Variants in NKD1 observed in about 807,000 individuals in gnomAD.
NKD1 encodes protein naked cuticle homolog 1.
In NKD1, 21 loss-of-function variants were observed where a neutral mutation model predicts 56.0. The observed-to-expected ratio is 0.38, with a 90% CI of 0.27 to 0.54. The LOEUF (loss-of-function observed/expected upper bound fraction) is 0.54. Among genes scored for constraint, NKD1 ranks in the 20% least tolerant of loss-of-function variants. The pLI is 0.82. For missense variants in NKD1, 578 were observed against 642.7 expected (o/e 0.90, Z 1.09); for synonymous variants, 263 against 265.7 (o/e 0.99, Z 0.10).
At chr16:50,571,084 G>A in intron 3 of NKD1, 1 of 812,288 alleles carries the variant, frequency 1.2e-6, no homozygotes, top group Non-Finnish European at 1.5e-6. Flanking sequence ...AGGGAGAGCT[G>A]AGAGGAAAGT....
At chr16:50,620,334 G>T (rs1962057313) in intron 4 of NKD1, among the ~76,000 whole-genome samples, 1 of 152,216 alleles carries the variant, frequency 6.6e-6, no homozygotes, top group African/African-American at 2.4e-5. Context: ...TGTGAGTGTG[G>T]TGGGAGTGTG....
intron 3 of NKD1, 155 bp from the exon 4 acceptor site, chr16:50,608,139 T>G: frequency 1.5e-6 from 1 of 680,236 alleles, no homozygotes; most frequent in Non-Finnish European, 2.7e-6. Flanking sequence ...GGACCCACCT[T>G]GGCACTTAAC....
intron 3 of NKD1, chr16:50,574,927 T>C: frequency 3.0e-6 from 3 of 985,174 alleles, no homozygotes; most frequent in Non-Finnish European, 3.6e-6. Context: ...TTGGAAACTT[T>C]TTCCTTTTCC....
chr16:50,633,774 A>G lies in NKD1; in HGVS notation c.1406A>G (p.Gln469Arg), dbSNP rs1357070741. The G allele has an allele frequency of 6.7e-7, 1 of 1,483,690 alleles. No homozygotes were observed. Among genetic ancestry groups the G allele is most frequent in the African/African-American group, 1.4e-5 (1 of 71,736 alleles). 91.9% of individuals were successfully genotyped at this position (1,483,690 alleles called of 1,614,324 possible). The change falls in exon 10 of 10, where the codon CAG becomes CGG. Residue 469 changes from glutamine to arginine, a missense_variant. Coordinates refer to ENST00000268459, the MANE Select transcript of NKD1 (RefSeq NM_033119.5). The surrounding 1 kb of genome is among the most constrained non-coding windows in gnomAD (Gnocchi z 4.9). ...EHHHHYHHFY[Q>R]T ...CACCACCATTACCACCACTTCTACCAGACATAGAGCCCCTCCCCAGGGCCC... is the reference window on the plus strand; with the variant it reads ...CACCACCATTACCACCACTTCTACCGGACATAGAGCCCCTCCCCAGGGCCC...
chr16:50,548,978 C>G, intron 2 of NKD1: 2 of 961,020 alleles, frequency 2.1e-6, no homozygotes, highest in African/African-American at 1.8e-5. Context: ...ACCCCTCCCC[C>G]TCCCGCGTCC....
intron 3 of NKD1, among the ~76,000 whole-genome samples, chr16:50,600,234 CA>C (rs1961563949): frequency 6.6e-6 from 1 of 151,146 alleles, no homozygotes; most frequent in South Asian, 2.1e-4. Flanking sequence ...CTTAAAAAAA[CA>C]AAACAAAACA....
chr16:50,554,109 AGGAGGCT>A (rs1960448147), intron 3 of NKD1, among the ~76,000 whole-genome samples: 1 of 152,198 alleles, frequency 6.6e-6, no homozygotes. Context: ...TTCTTGGGGA[AGGAGGCT>A]GGATGCCCCT....
intron 3 of NKD1, chr16:50,573,772 C>G (rs766542551): frequency 2.3e-4 from 222 of 973,804 alleles, no homozygotes; most frequent in Non-Finnish European, 2.6e-4. Context: ...AACCTGGGTT[C>G]AGCTCCTGGT....
rs948826363 is a variant in NKD1, at chr16:50,649,132, C to T, written c.*15351C>T. ...CTGGGCCACTTTTAGCAGTCAGATT[C>T]GTCTAATCCTCCTTTAAAGATGGTG... On this transcript the variant is annotated 3_prime_UTR_variant, in exon 10 of 10. Coordinates refer to ENST00000268459, the MANE Select transcript of NKD1 (RefSeq NM_033119.5). 1.3e-5 allele frequency: 2 copies of T among 152,200 alleles called. No individual in the cohort carries two copies. The highest frequency in any genetic ancestry group is 4.8e-5 in the African/African-American group (2 of 41,442). The allele number at this position is 152,200 out of a possible 1,614,324, so 9.4% of individuals were successfully genotyped here.
intron 3 of NKD1, among the ~76,000 whole-genome samples, chr16:50,571,159 A>C (rs1960874842): frequency 6.6e-6 from 1 of 152,202 alleles, no homozygotes; most frequent in East Asian, 1.9e-4. Context: ...GGTCCCTTTC[A>C]AGGCCTTGGA....
chr16:50,587,053 C>T (rs895091416), intron 3 of NKD1, among the ~76,000 whole-genome samples: 9 of 152,136 alleles, frequency 5.9e-5, no homozygotes, highest in Non-Finnish European at 7.3e-5. Context: ...CTCCACGACT[C>T]GAAAGCTGTG....
intron 3 of NKD1, among the ~76,000 whole-genome samples, chr16:50,601,999 ATC>A (rs1961607574): frequency 6.6e-6 from 1 of 152,076 alleles, no homozygotes; most frequent in Admixed American, 6.5e-5. Context: ...CCCTCTTTCC[ATC>A]TCTCTGCCCT....
intron 3 of NKD1, among the ~76,000 whole-genome samples, chr16:50,589,699 CT>C (rs1961307999): frequency 1.6e-4 from 3 of 18,740 alleles, no homozygotes; most frequent in African/African-American, 5.9e-4. Context: ...TTTCTTTTCT[CT>C]TCTCTTCTCT....
chr16:50,574,708 T>C (rs1960956110), intron 3 of NKD1: 5 of 985,474 alleles, frequency 5.1e-6, no homozygotes, highest in Non-Finnish European at 4.8e-6. Context: ...AGAGGCCCTC[T>C]GAGGGAGGCG....
At chr16:50,589,759 CTT>C in intron 3 of NKD1, among the ~76,000 whole-genome samples, 3 of 77,790 alleles carry the variant, frequency 3.9e-5, no homozygotes, top group Non-Finnish European at 7.9e-5. Flanking sequence ...CTTCTCTTCT[CTT>C]CTCTCCTCTC....
chr16:50,633,484 A>G lies in NKD1; in HGVS notation c.1116A>G (p.Gly372=). The G allele has an allele frequency of 6.2e-7, 1 of 1,609,238 alleles. No homozygotes were observed. Among genetic ancestry groups the G allele is most frequent in the Non-Finnish European group, 8.5e-7 (1 of 1,177,838 alleles). The change falls in exon 10 of 10, where the codon GGA becomes GGG. Residue 372 remains glycine (G), a synonymous_variant. Coordinates refer to ENST00000268459, the MANE Select transcript of NKD1 (RefSeq NM_033119.5). The surrounding 1 kb of genome is among the most constrained non-coding windows in gnomAD (Gnocchi z 4.9). The part of the protein sequence containing the change: ...ARGARNKPPL[G]PAIPAVSPSA... ...GGGCAAGAAACAAGCCCCCTCTGGGACCCGCCATCCCTGCGGTGTCCCCCT... is the reference window on the plus strand; with the variant it reads ...GGGCAAGAAACAAGCCCCCTCTGGGGCCCGCCATCCCTGCGGTGTCCCCCT...
At chr16:50,576,905 G>T (rs1395657952) in intron 3 of NKD1, among the ~76,000 whole-genome samples, 5 of 152,184 alleles carry the variant, frequency 3.3e-5, no homozygotes, top group African/African-American at 1.2e-4. Context: ...AGCAGCATGT[G>T]ACTCCCTGCA....
chr16:50,608,421 T>G, intron 4 of NKD1, 61 bp downstream of exon 4: 1 of 1,183,220 alleles, frequency 8.5e-7, no homozygotes, highest in South Asian at 1.2e-5. Context: ...GGTGTTCAGC[T>G]GGCCGTGTGC....
chr16:50,567,801 G>C (rs1039191055), intron 3 of NKD1, among the ~76,000 whole-genome samples: 2 of 152,196 alleles, frequency 1.3e-5, no homozygotes, highest in African/African-American at 4.8e-5. Context: ...AGTATATTAA[G>C]ACACAAAGTC....
Sources: allele counts gnomAD v4.1 joint callset (sites outside exome capture counted in the v4.1 genomes callset), GRCh38; gene constraint gnomAD v4.1.1; non-coding constraint Gnocchi (gnomAD v3.1); transcripts MANE v1.5; gene names NCBI Gene and HGNC (gene_info 2026-07-23, HGNC 2026-07-21).